SHANK2: variants seen among roughly 807,000 people sequenced by gnomAD.
SHANK2 encodes SH3 and multiple ankyrin repeat domains protein 2.
SHANK2 carries 43 observed loss-of-function variants against 133.7 expected under a neutral mutation model. That is an observed-to-expected ratio of 0.32 (90% CI 0.25 to 0.41). The LOEUF (loss-of-function observed/expected upper bound fraction) is 0.41, where lower values mean the gene tolerates loss of function less well. Among genes scored for constraint, SHANK2 ranks in the 10% least tolerant of loss-of-function variants. The pLI, the probability that SHANK2 is intolerant of heterozygous loss-of-function variation, is 1.00. For synonymous variants in SHANK2, 1,017 were observed against 952.8 expected (o/e 1.07, Z -1.24); for missense variants, 1,994 against 2,235.8 (o/e 0.89, Z 2.18).
chr11:70,859,849 G>A (rs1555067452), intron 11 of SHANK2, among the ~76,000 whole-genome samples: 1 of 152,142 alleles, frequency 6.6e-6, no homozygotes, highest in Non-Finnish European at 1.5e-5. Context: ...GGCTAAACAC[G>A]AGGACAGATG....
At chr11:70,947,258 A>C (rs187166197) in intron 10 of SHANK2, among the ~76,000 whole-genome samples, 1 of 151,958 alleles carries the variant, frequency 6.6e-6, no homozygotes, top group East Asian at 1.9e-4. Flanking sequence ...AGCATTCTGG[A>C]CTAAGAACCC....
intron 17 of SHANK2, among the ~76,000 whole-genome samples, chr11:70,642,933 A>G (rs1164743750): frequency 2.0e-5 from 3 of 152,270 alleles, no homozygotes; most frequent in Non-Finnish European, 4.4e-5. Context: ...AAAATATACA[A>G]GAGAAGATTT....
At chr11:70,592,677 G>A (rs1374807050) in intron 17 of SHANK2, among the ~76,000 whole-genome samples, 1 of 152,052 alleles carries the variant, frequency 6.6e-6, no homozygotes, top group Non-Finnish European at 1.5e-5. Context: ...GGGCTGTGTG[G>A]TTAGGCCAAC....
chr11:70,881,790 C>T (rs1565381097), intron 11 of SHANK2, among the ~76,000 whole-genome samples: 1 of 151,468 alleles, frequency 6.6e-6, no homozygotes, highest in Non-Finnish European at 1.5e-5. Context: ...AGTGCCGTGG[C>T]CCCATCATGG....
chr11:70,505,729 AC>A (rs1187557027), intron 17 of SHANK2, among the ~76,000 whole-genome samples: 2 of 152,154 alleles, frequency 1.3e-5, no homozygotes, highest in African/African-American at 4.8e-5. Context: ...GCTGCCAGTC[AC>A]TGGAGAAGCC....
chr11:71,148,187 C>G (rs570916682), intron 2 of SHANK2, among the ~76,000 whole-genome samples: 5 of 151,948 alleles, frequency 3.3e-5, no homozygotes, highest in Non-Finnish European at 5.9e-5. Context: ...CGGGTTCAGA[C>G]GATTCTCCTG....
intron 17 of SHANK2, among the ~76,000 whole-genome samples, chr11:70,651,808 CT>C (rs1422472477): frequency 6.6e-6 from 1 of 152,188 alleles, no homozygotes; most frequent in Non-Finnish European, 1.5e-5. Flanking sequence ...CCCTGGGTTC[CT>C]GCTAACATCA....
intron 8 of SHANK2, among the ~76,000 whole-genome samples, chr11:71,080,133 G>A (rs1951278309): frequency 6.6e-6 from 1 of 152,068 alleles, no homozygotes; most frequent in Non-Finnish European, 1.5e-5. Context: ...TAGGAGGGTG[G>A]AGAGTAATGG....
chr11:70,619,254 A>C (rs1043645760), intron 17 of SHANK2, among the ~76,000 whole-genome samples: 1 of 152,240 alleles, frequency 6.6e-6, no homozygotes, highest in African/African-American at 2.4e-5. Flanking sequence ...TCTGTAGGTC[A>C]GAGGGCCAAC....
At chr11:70,880,989 T>A (rs1949650834) in intron 11 of SHANK2, among the ~76,000 whole-genome samples, 1 of 152,230 alleles carries the variant, frequency 6.6e-6, no homozygotes, top group African/African-American at 2.4e-5. Flanking sequence ...CACCAACTTT[T>A]GGGCATCCCA....
At chr11:70,711,977 G>A (rs1945795284) in intron 14 of SHANK2, among the ~76,000 whole-genome samples, 1 of 152,192 alleles carries the variant, frequency 6.6e-6, no homozygotes, top group Non-Finnish European at 1.5e-5. Context: ...CAGGCTCGGT[G>A]GCCTCAAACA....
chr11:70,892,120 T>C (rs1590804011), intron 11 of SHANK2, among the ~76,000 whole-genome samples: 1 of 152,102 alleles, frequency 6.6e-6, no homozygotes, highest in Admixed American at 6.6e-5. Flanking sequence ...GGCAGCACCG[T>C]CACACCGTCA....
intron 1 of SHANK2, among the ~76,000 whole-genome samples, chr11:71,239,772 G>A (rs1555124140): frequency 6.6e-6 from 1 of 152,164 alleles, no homozygotes; most frequent in East Asian, 1.9e-4. Context: ...ACCATACCTG[G>A]CCAAGAAGTC....
rs148989904 is a variant in SHANK2, at chr11:70,675,213, A to G, written c.1854-13535T>C. On this transcript the variant is annotated intron_variant, in intron 15 of 25. Transcript: ENST00000601538. The stretch of plus-strand genomic sequence containing the variant: ...GCTCTGGTTGGCTCCAAGTGGGGAT[A>G]GACCTGAATTCTGGCTTAATGAGTA... Among the ~76,000 whole-genome samples the G allele has an allele frequency of 5.2e-5, 8 of 152,382 alleles. No homozygotes were observed. The East Asian group carries it at 1.2e-3, about 22-fold the overall frequency.
intron 21 of SHANK2, among the ~76,000 whole-genome samples, chr11:70,498,739 G>A (rs1185983049): frequency 2.0e-5 from 3 of 152,176 alleles, no homozygotes; most frequent in African/African-American, 7.2e-5. Context: ...CATGCACGGG[G>A]GGCTTAAAAC....
At chr11:70,743,432 G>T (rs2134827440) in intron 14 of SHANK2, among the ~76,000 whole-genome samples, 1 of 152,310 alleles carries the variant, frequency 6.6e-6, no homozygotes, top group East Asian at 1.9e-4. Flanking sequence ...AAAGGCTGCT[G>T]TCTGCAGACC....
chr11:70,609,630 T>G (rs1038565688), intron 17 of SHANK2, among the ~76,000 whole-genome samples: 3 of 151,996 alleles, frequency 2.0e-5, no homozygotes, highest in Non-Finnish European at 2.9e-5. Flanking sequence ...TAGAATGGAA[T>G]AGATACATAA....
chr11:70,943,946 G>C, intron 10 of SHANK2: 2 of 456,580 alleles, frequency 4.4e-6, no homozygotes, highest in Non-Finnish European at 8.8e-6. Context: ...ATTACTTGTT[G>C]ACTTCCTGCC....
intron 12 of SHANK2, among the ~76,000 whole-genome samples, chr11:70,815,247 A>G (rs1334106383): frequency 6.7e-6 from 1 of 148,774 alleles, no homozygotes; most frequent in Non-Finnish European, 1.5e-5. Context: ...CGAAAATGAG[A>G]AGGAGGAGGC....
Sources: gnomAD v4.1 joint callset for allele counts (sites outside exome capture counted in the v4.1 genomes callset) on GRCh38, gnomAD v4.1.1 for gene constraint, MANE v1.5 for transcripts, NCBI Gene and HGNC (gene_info 2026-07-23, HGNC 2026-07-21) for gene names.